PTPRQ: variants seen among roughly 807,000 people sequenced by gnomAD.
The protein encoded by PTPRQ is protein tyrosine phosphatase receptor type Q.
A neutral mutation model predicts 246.0 loss-of-function variants in PTPRQ; 199 were observed. That is an observed-to-expected ratio of 0.81 (90% CI 0.72 to 0.91). The LOEUF (loss-of-function observed/expected upper bound fraction) is 0.91, where lower values mean the gene tolerates loss of function less well. Ranked by LOEUF, PTPRQ falls within the 40% of genes least tolerant of loss-of-function variation. The pLI is 0.00. For synonymous variants in PTPRQ, 869 were observed against 853.2 expected (o/e 1.02, Z -0.32); for missense variants, 2,624 against 2,528.4 (o/e 1.04, Z -0.81).
rs764150283 is a variant in PTPRQ, at chr12:80,679,073, C to A, written c.*50C>A. On this transcript the variant is annotated 3_prime_UTR_variant, in exon 45 of 45. Transcript: ENST00000644991. ...GGAAGAGATTTTTAAATCCCAGGGG[C>A]CAAAGTTACCCCCTCATTCTTCCGA... is the stretch of plus-strand genomic sequence containing the variant. The A allele has an allele frequency of 1.8e-5, 27 of 1,529,328 alleles. No individual in the cohort carries two copies. In the Middle Eastern group the frequency reaches 6.8e-4, roughly 38 times the overall value. 94.7% of individuals were successfully genotyped at this position (1,529,328 alleles called of 1,614,324 possible). A position where few individuals can be genotyped will look rare whatever the true frequency, so the allele number is the denominator to read the frequency against.
At chr12:80,497,145 T>C (rs1894654666) in intron 14 of PTPRQ, among the ~76,000 whole-genome samples, 1 of 151,964 alleles carries the variant, frequency 6.6e-6, no homozygotes, top group South Asian at 2.1e-4. Context: ...GTTACGTTTG[T>C]TGTGCACTTT....
At position 80,506,038 on chromosome 12, in the gene PTPRQ, C is replaced by G. The variant is rs530013415; in HGVS notation, c.2287C>G (p.Pro763Ala). The G allele has an allele frequency of 5.8e-6, 9 of 1,544,776 alleles. No homozygotes were observed. In the East Asian group the frequency reaches 2.2e-4, roughly 38 times the overall value. ...RTSETVPDSA[P>A]ENITYKNISS... ...GTTTCTTTCAGTGCCTGATAGTGCA[C>G]CAGAAAATATCACTTACAAAAATAT... The change falls in exon 15 of 45, where the codon CCA (proline) becomes GCA (alanine). Residue 763 changes from proline to alanine, a missense_variant. By Grantham distance (27) the Pro-to-Ala change is conservative. Coordinates refer to ENST00000644991, the MANE Select transcript of PTPRQ (RefSeq NM_001145026.2).
rs575520852 is a variant in PTPRQ, at chr12:80,583,268, G to A, written c.4286-4861G>A. Among the ~76,000 whole-genome samples, 210 of 152,242 alleles carry A rather than the reference G, an allele frequency of 1.4e-3. 1 individual carries two copies. Among genetic ancestry groups the A allele is most frequent in the Middle Eastern group, 0.01 (3 of 294 alleles). ...ATTCAGTAGTCTAGACTCTGAGAGAGAAAATCTGTTATGTACATTGACATT... is the reference window on the plus strand; with the variant it reads ...ATTCAGTAGTCTAGACTCTGAGAGAAAAAATCTGTTATGTACATTGACATT... On this transcript the variant is annotated intron_variant, in intron 25 of 44. Coordinates refer to ENST00000644991, the MANE Select transcript of PTPRQ (RefSeq NM_001145026.2).
intron 6 of PTPRQ, among the ~76,000 whole-genome samples, chr12:80,465,695 T>G (rs1027729574): frequency 1.3e-5 from 2 of 152,010 alleles, no homozygotes; most frequent in Non-Finnish European, 2.9e-5. Context: ...GCAAGGCTGG[T>G]TCAATATACA....
chr12:80,484,706 C>T (rs1319296549), intron 9 of PTPRQ, 101 bp downstream of exon 9: 1 of 1,390,160 alleles, frequency 7.2e-7, no homozygotes, highest in Non-Finnish European at 9.6e-7. Context: ...AATATTTGAC[C>T]ACTTACTAGT....
intron 25 of PTPRQ, among the ~76,000 whole-genome samples, chr12:80,579,103 T>G (rs1897358445): frequency 6.6e-6 from 1 of 152,198 alleles, no homozygotes; most frequent in African/African-American, 2.4e-5. Flanking sequence ...ACCTACCAGA[T>G]CATTGTAATC....
intron 9 of PTPRQ, among the ~76,000 whole-genome samples, chr12:80,485,122 G>A (rs532077544): frequency 7.2e-5 from 11 of 151,806 alleles, no homozygotes; most frequent in East Asian, 3.9e-4. Flanking sequence ...AATTTAAGTC[G>A]TTTCATAGAT....
chr12:80,474,338 CT>C (rs1354557469), intron 8 of PTPRQ, among the ~76,000 whole-genome samples: 1 of 152,074 alleles, frequency 6.6e-6, no homozygotes, highest in Non-Finnish European at 1.5e-5. Context: ...ATAATTAGGA[CT>C]AGTTTGCTTC....
intron 33 of PTPRQ, among the ~76,000 whole-genome samples, chr12:80,625,717 C>A (rs1278421188): frequency 6.6e-6 from 1 of 152,036 alleles, no homozygotes; most frequent in Non-Finnish European, 1.5e-5. Flanking sequence ...ACCTTTCTGG[C>A]CTGTAGGGAT....
At chr12:80,583,475 T>C (rs990446246) in intron 25 of PTPRQ, among the ~76,000 whole-genome samples, 1 of 152,168 alleles carries the variant, frequency 6.6e-6, no homozygotes, top group African/African-American at 2.4e-5. Flanking sequence ...CTGAGATTTA[T>C]AGGAAAGTAA....
chr12:80,566,307 G>A (rs894212513), intron 25 of PTPRQ, among the ~76,000 whole-genome samples: 6 of 151,934 alleles, frequency 3.9e-5, no homozygotes, highest in South Asian at 2.1e-4. Context: ...GCAAAACCCC[G>A]TCTCTACTAA....
chr12:80,487,796 G>T (rs1360580088), intron 9 of PTPRQ, among the ~76,000 whole-genome samples: 9 of 152,030 alleles, frequency 5.9e-5, no homozygotes, highest in Admixed American at 5.9e-4. Flanking sequence ...CACTATATTA[G>T]TTTTCCATTG....
intron 8 of PTPRQ, among the ~76,000 whole-genome samples, chr12:80,474,620 A>G (rs1893754505): frequency 6.6e-6 from 1 of 152,232 alleles, no homozygotes. Context: ...ATGAAAATAA[A>G]TGATTTTGGA....
Position 80,524,646 on chromosome 12 carries a change from G to T in PTPRQ, c.2679-9369G>T, listed in dbSNP as rs117995765. Among the ~76,000 whole-genome samples the T allele has an allele frequency of 2.3e-4, 35 of 152,168 alleles. No homozygotes were observed. The East Asian group carries it at 6.4e-3, about 28-fold the overall frequency. ...AGATTCTGTTGGTTGACAGGCTTAG[G>T]ATTGTATTTTTAGCTTACCGTGTAC... On this transcript the variant is annotated intron_variant, in intron 17 of 44. Coordinates refer to ENST00000644991, the MANE Select transcript of PTPRQ (RefSeq NM_001145026.2).
At chr12:80,484,801 T>G (rs1307997336) in intron 9 of PTPRQ, among the ~76,000 whole-genome samples, 196 bp downstream of exon 9, 1 of 152,170 alleles carries the variant, frequency 6.6e-6, no homozygotes, top group Non-Finnish European at 1.5e-5. Flanking sequence ...TTAAGTGCTA[T>G]TATTCCTTTT....
At position 80,680,093 on chromosome 12, in the gene PTPRQ, A is replaced by G. The variant is rs1901266559; in HGVS notation, c.*1070A>G. ...AAAATCTTTCAGCCTCCATCTTATT[A>G]AATAGTGACAATGTGGTAAGTTTTG... On this transcript the variant is annotated 3_prime_UTR_variant, in exon 45 of 45. Transcript: ENST00000644991. The G allele has an allele frequency of 6.6e-6, 1 of 151,874 alleles. No individual in the cohort carries two copies. Among genetic ancestry groups the G allele is most frequent in the Non-Finnish European group, 1.5e-5 (1 of 67,880 alleles). The allele number at this position is 151,874 out of a possible 1,614,324, so 9.4% of individuals were successfully genotyped here. A position where few individuals can be genotyped will look rare whatever the true frequency, so the allele number is the denominator to read the frequency against.
rs186893620 is a variant in PTPRQ at position 80,645,453 on chromosome 12, T to A, written c.5916-3444T>A. Among the ~76,000 whole-genome samples, 270 of 152,078 alleles carry A rather than the reference T, an allele frequency of 1.8e-3. 1 individual carries two copies. Among genetic ancestry groups the A allele is most frequent in the African/African-American group, 6.1e-3 (252 of 41,512 alleles). On this transcript the variant is annotated intron_variant, in intron 35 of 44. Transcript: ENST00000644991. ...AAGCCAGAATATTCATATTTTGCTT[T>A]CTGTGTATCTTAATCTGAATTCATC...
At chr12:80,615,615 A>AT (rs1898724263) in intron 29 of PTPRQ, among the ~76,000 whole-genome samples, 1 of 151,098 alleles carries the variant, frequency 6.6e-6, no homozygotes, top group Non-Finnish European at 1.5e-5. Flanking sequence ...ATAGCGTCAG[A>AT]TACTTTGGGG....
chr12:80,477,384 A>AT (rs571179918), intron 8 of PTPRQ, among the ~76,000 whole-genome samples: 42 of 152,322 alleles, frequency 2.8e-4, no homozygotes, highest in African/African-American at 9.4e-4. Context: ...ACTGGCATTA[A>AT]TTATCACCAA....
Sources: gnomAD v4.1 joint callset for allele counts (sites outside exome capture counted in the v4.1 genomes callset) on GRCh38, gnomAD v4.1.1 for gene constraint, MANE v1.5 for transcripts, NCBI Gene and HGNC (gene_info 2026-07-23, HGNC 2026-07-21) for gene names.